Variants in ZNF875 observed in about 807,000 individuals in gnomAD.
ZNF875 encodes the protein HKR1, GLI-Kruppel zinc finger family member.
A neutral mutation model predicts 11.2 loss-of-function variants in ZNF875; 14 were observed. The ratio of observed to expected loss-of-function variants is 1.26; its 90% CI spans 0.83 to 1.96. ZNF875 has a LOEUF of 1.96. ZNF875 is among the 30% of genes most tolerant of loss of function. The probability of loss-of-function intolerance (pLI) is 0.00; values close to 1 mark genes in which losing one functional copy is unlikely to be tolerated. For missense variants in ZNF875, 752 were observed against 760.4 expected (o/e 0.99, Z 0.13); for synonymous variants, 301 against 281.1 (o/e 1.07, Z -0.71).
chr19:37,327,954 C>T (rs993331140), intron 4 of ZNF875, among the ~76,000 whole-genome samples: 3 of 151,110 alleles, frequency 2.0e-5, no homozygotes, highest in Non-Finnish European at 3.0e-5. Flanking sequence ...TGAGAAGGGG[C>T]GGAAAGACCA....
At chr19:37,359,646 C>A in intron 4 of ZNF875, 1 of 198,588 alleles carries the variant, frequency 5.0e-6, no homozygotes, top group Non-Finnish European at 1.1e-5. Flanking sequence ...TTGTGATCCA[C>A]CCGCCTCAGC....
In ZNF875 at chr19:37,363,579, T is replaced by A. The variant is rs532502526; in HGVS notation, c.1727T>A (p.Ile576Asn). The A allele has an allele frequency of 6.2e-7, 1 of 1,612,632 alleles. No individual in the cohort carries two copies. The highest frequency in any genetic ancestry group is 1.3e-5 in the African/African-American group (1 of 74,408). The change falls in exon 5 of 5, where the codon ATT becomes AAT. Residue 576 changes from isoleucine to asparagine, a missense_variant. Physicochemically the swap from Ile to Asn is moderately radical, Grantham distance 149. Transcript: ENST00000392153. The part of the protein sequence containing the change: ...GQGFCAKLTL[I>N]KHQRAHAGGK... The stretch of plus-strand genomic sequence containing the variant: ...GGCTTTTGTGCTAAGTTAACTCTCA[T>A]TAAACACCAGAGAGCACACGCAGGG...
At chr19:37,324,921 C>T (rs1230323822) in intron 4 of ZNF875, 1 of 152,264 alleles carries the variant, frequency 6.6e-6, no homozygotes, top group African/African-American at 2.4e-5. Context: ...ACTACAGGCT[C>T]ATGCTACCAC....
At chr19:37,334,602 TC>T (rs2033887645), upstream of ZNF875, 1 of 442,122 alleles carries the variant, frequency 2.3e-6, no homozygotes, top group African/African-American at 2.0e-5. Flanking sequence ...TGCGGTCACT[TC>T]CGCTCCCCTC....
chr19:37,355,486 C>A (rs568802541), intron 4 of ZNF875, among the ~76,000 whole-genome samples: 3 of 152,286 alleles, frequency 2.0e-5, no homozygotes, highest in African/African-American at 7.2e-5. Context: ...CCACCCCCGG[C>A]CTGTAAGTGT....
chr19:37,323,127 C>A (rs2031800517), intron 2 of ZNF875, among the ~76,000 whole-genome samples: 2 of 151,282 alleles, frequency 1.3e-5, no homozygotes, highest in South Asian at 4.2e-4. Flanking sequence ...AGGAGGGTCA[C>A]AAGGAGTTGT....
At chr19:37,350,625 C>T (rs1285638196) in intron 4 of ZNF875, among the ~76,000 whole-genome samples, 3 of 151,670 alleles carry the variant, frequency 2.0e-5, no homozygotes, top group South Asian at 4.2e-4. Flanking sequence ...TTAATTGTTG[C>T]TCTATAGTAG....
intron 1 of ZNF875, among the ~76,000 whole-genome samples, chr19:37,320,710 G>A (rs1158096743): frequency 6.6e-6 from 1 of 152,178 alleles, no homozygotes; most frequent in African/African-American, 2.4e-5. Flanking sequence ...GGCTTGGGAT[G>A]TTGGAAGAGG....
At chr19:37,319,343 G>GCATATATATATATATATATATATATATA (rs2030823894) in intron 1 of ZNF875, among the ~76,000 whole-genome samples, 16 of 37,938 alleles carry the variant, frequency 4.2e-4, no homozygotes, top group Admixed American at 1.7e-3. Context: ...ACTGCAGCCG[G>GCATATATATATATATATATATATATATA]CATATATATA....
chr19:37,352,591 A>G (rs1345141959), intron 4 of ZNF875, among the ~76,000 whole-genome samples: 4 of 151,966 alleles, frequency 2.6e-5, no homozygotes, highest in African/African-American at 7.3e-5. Context: ...ACCTTTGTCC[A>G]TTCTTTATAT....
upstream of ZNF875, among the ~76,000 whole-genome samples, chr19:37,332,896 G>T (rs1163024693): frequency 1.3e-5 from 2 of 152,128 alleles, no homozygotes; most frequent in African/African-American, 4.8e-5. Context: ...AATGACAAGT[G>T]GTTCAGATTT....
intron 4 of ZNF875, among the ~76,000 whole-genome samples, chr19:37,356,334 T>C (rs566304738): frequency 6.6e-6 from 1 of 152,210 alleles, no homozygotes; most frequent in Non-Finnish European, 1.5e-5. Flanking sequence ...CTTGAGAAAT[T>C]TCCATACTGT....
rs999602278 is a variant in ZNF875, at chr19:37,325,852, CAT to C, written c.-603+1588_-603+1589del. 1.7e-4 allele frequency among the ~76,000 whole-genome samples: 26 copies of C among 152,278 alleles called. No individual in the cohort carries two copies. In the East Asian group the frequency reaches 5.0e-3, roughly 29 times the overall value. Reference sequence around the variant, plus strand: ...CCTCCCAAGTAGCTGGGACCACAAACATGTGCCACCACGCCTGAATAATTTTT... The same window carrying C: ...CCTCCCAAGTAGCTGGGACCACAAACGTGCCACCACGCCTGAATAATTTTT... On this transcript the variant is annotated intron_variant, in intron 4 of 5. Coordinates refer to the ZNF875 transcript ENST00000544914.
At chr19:37,319,067 A>G (rs2030726615) in intron 1 of ZNF875, among the ~76,000 whole-genome samples, 1 of 146,496 alleles carries the variant, frequency 6.8e-6, no homozygotes, top group Admixed American at 6.8e-5. Flanking sequence ...TTTTTTTGAG[A>G]CGGAGTTTCG....
At chr19:37,355,592 TG>T (rs2038764012) in intron 4 of ZNF875, among the ~76,000 whole-genome samples, 1 of 152,230 alleles carries the variant, frequency 6.6e-6, no homozygotes, top group Admixed American at 6.5e-5. Context: ...ACAGTCATTT[TG>T]CCTGTTATCT....
At chr19:37,346,623 G>A (rs540236809) in intron 2 of ZNF875, 1 of 156,834 alleles carries the variant, frequency 6.4e-6, no homozygotes, top group Non-Finnish European at 1.4e-5. Context: ...CTTGTGTGGT[G>A]TCTTCTTCTC....
intron 4 of ZNF875, among the ~76,000 whole-genome samples, chr19:37,349,986 T>TA (rs2037532262): frequency 1.6e-5 from 2 of 127,046 alleles, no homozygotes. Flanking sequence ...TTTTTTTTAA[T>TA]ACAGAGTCTC....
chr19:37,328,226 C>G (rs2032831983), intron 4 of ZNF875, among the ~76,000 whole-genome samples: 1 of 151,874 alleles, frequency 6.6e-6, no homozygotes, highest in Admixed American at 6.6e-5. Flanking sequence ...TTAACAAAAG[C>G]AAAACTCTGT....
chr19:37,351,249 CA>C (rs1182143149), intron 4 of ZNF875, among the ~76,000 whole-genome samples: 2 of 152,094 alleles, frequency 1.3e-5, no homozygotes, highest in Non-Finnish European at 2.9e-5. Context: ...ATAATATTCC[CA>C]AATTTCTTTA....
Sources: allele counts gnomAD v4.1 joint callset (sites outside exome capture counted in the v4.1 genomes callset), GRCh38; gene constraint gnomAD v4.1.1; transcripts MANE v1.5; gene names NCBI Gene and HGNC (gene_info 2026-07-23, HGNC 2026-07-21).